Variants in NMNAT2 observed in about 807,000 individuals in gnomAD.
NMNAT2 encodes nicotinamide/nicotinic acid mononucleotide adenylyltransferase 2.
A neutral mutation model predicts 41.6 loss-of-function variants in NMNAT2; 11 were observed. That is an observed-to-expected ratio of 0.26 (90% CI 0.17 to 0.44). NMNAT2 has a LOEUF of 0.44. NMNAT2 is among the 20% of genes least tolerant of loss of function. The probability of loss-of-function intolerance (pLI) is 1.00; values close to 1 mark genes in which losing one functional copy is unlikely to be tolerated. For synonymous variants in NMNAT2, 148 were observed against 151.2 expected, an observed-to-expected ratio of 0.98 and a Z score of 0.16; for missense variants, 288 against 407.7, an observed-to-expected ratio of 0.71 and a Z score of 2.53.
At chr1:183,394,360 C>T (rs977408519) in intron 1 of NMNAT2, among the ~76,000 whole-genome samples, 2 of 152,156 alleles carry the variant, frequency 1.3e-5, no homozygotes, top group African/African-American at 4.8e-5. Flanking sequence ...AGATTTTATT[C>T]ATGACAGAAG....
chr1:183,256,585 T>C (rs1660520960), intron 10 of NMNAT2, among the ~76,000 whole-genome samples: 1 of 152,246 alleles, frequency 6.6e-6, no homozygotes, highest in Non-Finnish European at 1.5e-5. Context: ...AGTCTATTTA[T>C]GTGATGTATC....
intron 1 of NMNAT2, among the ~76,000 whole-genome samples, chr1:183,379,135 C>T (rs867767744): frequency 4.9e-4 from 73 of 148,876 alleles, no homozygotes; most frequent in South Asian, 4.6e-3. Context: ...AGATATTGTC[C>T]GATTAGATTT....
intron 1 of NMNAT2, among the ~76,000 whole-genome samples, chr1:183,401,064 G>A (rs955379609): frequency 1.3e-5 from 2 of 152,176 alleles, no homozygotes; most frequent in African/African-American, 2.4e-5. Context: ...ATTGACAAAT[G>A]GGATCTAATT....
In NMNAT2 at chr1:183,304,697, G is replaced by A. The variant is rs776523863; in HGVS notation, c.86-10904C>T. On this transcript the variant is annotated intron_variant, in intron 1 of 10. Transcript: ENST00000287713. ...GAGAGAGTAACAAACACTTCCCAGA[G>A]CCCCTGGCAGGCCTGAATTTCCTCT... 1.9e-6 allele frequency: 3 copies of A among 1,613,952 alleles called. No homozygotes were observed. In the East Asian group the frequency reaches 6.7e-5, roughly 36 times the overall value.
At chr1:183,389,442 G>A (rs370414919) in intron 1 of NMNAT2, among the ~76,000 whole-genome samples, 13 of 152,140 alleles carry the variant, frequency 8.5e-5, no homozygotes, top group Admixed American at 7.9e-4. Flanking sequence ...CCTTATCTCA[G>A]TCAAATTACA....
chr1:183,354,669 G>A (rs12125953), intron 1 of NMNAT2, among the ~76,000 whole-genome samples: 60,079 of 151,856 alleles, frequency 0.4, 13,485 homozygotes, highest in East Asian at 0.67. Context: ...CTTCCACCTC[G>A]GCCTCCGAAA....
chr1:183,310,449 G>C (rs549283935), intron 1 of NMNAT2, among the ~76,000 whole-genome samples: 287 of 152,298 alleles, frequency 1.9e-3, no homozygotes, highest in Middle Eastern at 6.8e-3. Context: ...GCCTGAGTTT[G>C]AGTCAAATGC....
intron 1 of NMNAT2, among the ~76,000 whole-genome samples, chr1:183,357,495 C>G (rs1345596435): frequency 6.6e-6 from 1 of 152,062 alleles, no homozygotes; most frequent in African/African-American, 2.4e-5. Flanking sequence ...TCCCAAAGTG[C>G]TGGGATTACA....
chr1:183,354,249 G>A (rs2102354337), intron 1 of NMNAT2, among the ~76,000 whole-genome samples: 1 of 152,142 alleles, frequency 6.6e-6, no homozygotes, highest in South Asian at 2.1e-4. Flanking sequence ...ACAAAGAGAT[G>A]AGAGGCGAAA....
intron 8 of NMNAT2, among the ~76,000 whole-genome samples, chr1:183,262,245 G>A (rs529234640): frequency 2.0e-5 from 3 of 150,060 alleles, no homozygotes; most frequent in African/African-American, 7.4e-5. Flanking sequence ...CCTTCTTTTC[G>A]TTTAAAAGAA....
Position 183,309,788 on chromosome 1 carries a change from A to T in NMNAT2, c.86-15995T>A, listed in dbSNP as rs577935595. On this transcript the variant is annotated intron_variant, in intron 1 of 10. Transcript: ENST00000287713. ...AATTACGAAAACCTGTACAAAATTC[A>T]TAAGCAAGGATAAGGTCCCACAGCC... Among the ~76,000 whole-genome samples the T allele has an allele frequency of 2.1e-4, 32 of 152,246 alleles. 1 individual carries two copies. Among genetic ancestry groups the T allele is most frequent in the Admixed American group, 1.1e-3 (17 of 15,288 alleles).
intron 1 of NMNAT2, among the ~76,000 whole-genome samples, chr1:183,410,876 C>G (rs1649098307): frequency 1.3e-5 from 2 of 151,950 alleles, no homozygotes; most frequent in Admixed American, 1.3e-4. Flanking sequence ...TGCCAACACA[C>G]CCAGCTAATT....
At chr1:183,371,296 G>C (rs1663535225) in intron 1 of NMNAT2, among the ~76,000 whole-genome samples, 1 of 152,220 alleles carries the variant, frequency 6.6e-6, no homozygotes, top group African/African-American at 2.4e-5. Flanking sequence ...AAAAAGATCA[G>C]TGGTTGCCAG....
At chr1:183,378,686 C>A (rs1663730107) in intron 1 of NMNAT2, among the ~76,000 whole-genome samples, 1 of 152,100 alleles carries the variant, frequency 6.6e-6, no homozygotes, top group Non-Finnish European at 1.5e-5. Context: ...AGGAAGGTAG[C>A]AAGTTTTAAT....
chr1:183,289,678 C>T (rs1157488407), intron 4 of NMNAT2, among the ~76,000 whole-genome samples: 2 of 152,090 alleles, frequency 1.3e-5, no homozygotes, highest in African/African-American at 4.8e-5. Flanking sequence ...CCACAGCAGC[C>T]TGTCCTGGAG....
chr1:183,278,348 C>T (rs939173088), intron 8 of NMNAT2, among the ~76,000 whole-genome samples: 1 of 152,090 alleles, frequency 6.6e-6, no homozygotes, highest in African/African-American at 2.4e-5. Context: ...AGGGGCTTTA[C>T]TGGAGCAAGC....
chr1:183,260,119 A>T (rs761647143), intron 10 of NMNAT2, among the ~76,000 whole-genome samples: 1 of 152,158 alleles, frequency 6.6e-6, no homozygotes, highest in Non-Finnish European at 1.5e-5. Context: ...CCTAGCTACA[A>T]AGTCTATTTC....
At chr1:183,318,683 A>C (rs1047638013) in intron 1 of NMNAT2, among the ~76,000 whole-genome samples, 1 of 152,168 alleles carries the variant, frequency 6.6e-6, no homozygotes, top group Non-Finnish European at 1.5e-5. Flanking sequence ...GCCAGAGGCC[A>C]CGGGCTCCAT....
intron 1 of NMNAT2, among the ~76,000 whole-genome samples, chr1:183,297,127 C>A (rs969612509): frequency 1.3e-5 from 2 of 150,302 alleles, no homozygotes; most frequent in African/African-American, 2.5e-5. Flanking sequence ...ATCTAGCATG[C>A]CTTCCCTGCC....
Sources: gnomAD v4.1 joint callset for allele counts (sites outside exome capture counted in the v4.1 genomes callset) on GRCh38, gnomAD v4.1.1 for gene constraint, MANE v1.5 for transcripts, NCBI Gene and HGNC (gene_info 2026-07-23, HGNC 2026-07-21) for gene names.